Variants in HDAC9 observed in about 807,000 individuals in gnomAD.
The protein encoded by HDAC9 is histone deacetylase 9.
In HDAC9, 41 loss-of-function variants were observed where a neutral mutation model predicts 139.4. The ratio of observed to expected loss-of-function variants is 0.29; its 90% confidence interval spans 0.23 to 0.38. The LOEUF is 0.38. Ranked by LOEUF, HDAC9 falls within the 10% of genes least tolerant of loss-of-function variation. The pLI is 1.00. For synonymous variants in HDAC9, 517 were observed against 476.2 expected, an observed-to-expected ratio of 1.09 and a Z score of -1.12; for missense variants, 1,147 against 1,297.0, an observed-to-expected ratio of 0.88 and a Z score of 1.78.
chr7:18,436,627 C>T (rs758828262), intron 1 of HDAC9, among the ~76,000 whole-genome samples: 3 of 152,200 alleles, frequency 2.0e-5, no homozygotes, highest in Non-Finnish European at 2.9e-5. Flanking sequence ...CATTTAGCAT[C>T]TGCTATGAAT....
intron 1 of HDAC9, among the ~76,000 whole-genome samples, chr7:18,355,412 G>T (rs931191862): frequency 6.6e-6 from 1 of 151,940 alleles, no homozygotes; most frequent in Non-Finnish European, 1.5e-5. Context: ...TATTCAAAAC[G>T]GAGACTTTTA....
At chr7:18,391,129 A>C (rs771302744) in intron 1 of HDAC9, among the ~76,000 whole-genome samples, 5 of 152,260 alleles carry the variant, frequency 3.3e-5, no homozygotes, top group African/African-American at 4.8e-5. Context: ...TCATGCCTGT[A>C]ATCCTAGCAC....
Position 18,500,663 on chromosome 7 carries a change from T to C in HDAC9, c.22+4339T>C, listed in dbSNP as rs111301127. Among the ~76,000 whole-genome samples the C allele has an allele frequency of 7.2e-3, 1,093 of 152,244 alleles. 11 individuals are homozygous for C. Among genetic ancestry groups the C allele is most frequent in the African/African-American group, 0.025 (1,033 of 41,554 alleles). On this transcript the variant is annotated intron_variant, in intron 2 of 25. Coordinates refer to ENST00000686413, the MANE Select transcript of HDAC9 (RefSeq NM_178425.4). ...CTGAGAAATAGTAGAAATGAAGGCT[T>C]CAGAGCAGCGTACTAAATTGGGAGA...
chr7:18,983,278 T>C (rs764728416), intron 25 of HDAC9, among the ~76,000 whole-genome samples: 12 of 152,298 alleles, frequency 7.9e-5, no homozygotes, highest in Middle Eastern at 3.4e-3. Context: ...TATGAAAACA[T>C]TTCCTTCTTT....
At chr7:18,194,692 A>G (rs1268245816) in intron 2 of HDAC9, among the ~76,000 whole-genome samples, 2 of 152,218 alleles carry the variant, frequency 1.3e-5, no homozygotes, top group African/African-American at 4.8e-5. Context: ...TTAAAGATGT[A>G]TTCATACATT....
intron 7 of HDAC9, among the ~76,000 whole-genome samples, 155 bp downstream of exon 7, chr7:18,629,636 A>T (rs775554680): frequency 2.0e-5 from 3 of 152,196 alleles, no homozygotes; most frequent in African/African-American, 4.8e-5. Context: ...AGTTCAATAA[A>T]CCTTGCTATG....
intron 13 of HDAC9, among the ~76,000 whole-genome samples, chr7:18,733,061 A>G (rs1458133520): frequency 6.9e-6 from 1 of 145,910 alleles, no homozygotes; most frequent in African/African-American, 2.5e-5. Context: ...ACATGTGTAT[A>G]TACGTATATA....
chr7:18,782,894 G>A (rs1343662176), intron 16 of HDAC9, among the ~76,000 whole-genome samples: 1 of 151,984 alleles, frequency 6.6e-6, no homozygotes, highest in Non-Finnish European at 1.5e-5. Flanking sequence ...TTTGCAAGTG[G>A]AACTGCTGGT....
chr7:18,344,701 C>T (rs1184520820), intron 1 of HDAC9, among the ~76,000 whole-genome samples: 1 of 151,940 alleles, frequency 6.6e-6, no homozygotes, highest in African/African-American at 2.4e-5. Flanking sequence ...GCAATTTGTT[C>T]AAAGTGCAAA....
chr7:18,579,323 A>T (rs1485767877), intron 2 of HDAC9, among the ~76,000 whole-genome samples: 2 of 152,234 alleles, frequency 1.3e-5, no homozygotes, highest in African/African-American at 4.8e-5. Context: ...TATGGATCAC[A>T]CATTAAGGAA....
chr7:18,804,070 A>G (rs1474949086), intron 17 of HDAC9, among the ~76,000 whole-genome samples: 2 of 152,188 alleles, frequency 1.3e-5, no homozygotes, highest in Non-Finnish European at 2.9e-5. Context: ...TGTTATGGAT[A>G]AAAGTAAAGG....
chr7:18,927,169 CT>C, intron 22 of HDAC9, among the ~76,000 whole-genome samples: 1 of 152,054 alleles, frequency 6.6e-6, no homozygotes, highest in East Asian at 1.9e-4. Flanking sequence ...TGAAATAAAC[CT>C]TTTTGGCTAC....
rs149939744 is a variant in HDAC9 at position 18,537,957 on chromosome 7, A to G, written c.22+41633A>G. On this transcript the variant is annotated intron_variant, in intron 2 of 25. Coordinates refer to ENST00000686413, the MANE Select transcript of HDAC9 (RefSeq NM_178425.4). Reference sequence around the variant, plus strand: ...TCAGTCCTTCATAACCTCAGGCAGCATCATCCTCTGTGCCCAACGTGACCT... The same window carrying G: ...TCAGTCCTTCATAACCTCAGGCAGCGTCATCCTCTGTGCCCAACGTGACCT... 5.4e-3 allele frequency among the ~76,000 whole-genome samples: 816 copies of G among 152,308 alleles called. 9 individuals carry two copies. The highest frequency in any genetic ancestry group is 0.018 in the African/African-American group (764 of 41,566).
At chr7:18,230,187 A>G (rs1485036330) in intron 2 of HDAC9, among the ~76,000 whole-genome samples, 1 of 152,214 alleles carries the variant, frequency 6.6e-6, no homozygotes, top group Non-Finnish European at 1.5e-5. Context: ...TCCTAAAACA[A>G]GAAACTTAGG....
chr7:18,524,188 T>G (rs1270850331), intron 2 of HDAC9, among the ~76,000 whole-genome samples: 1 of 152,188 alleles, frequency 6.6e-6, no homozygotes, highest in Non-Finnish European at 1.5e-5. Context: ...TATTTACCTG[T>G]GTAGTGAATG....
chr7:18,495,219 CAACAAAAATAGAACACCAGGA>C (rs1377880394), upstream of HDAC9, among the ~76,000 whole-genome samples: 4 of 151,978 alleles, frequency 2.6e-5, no homozygotes, highest in Admixed American at 2.0e-4. Context: ...GAGAAACAGG[CAACAAAAATAGAACACCAGGA>C]TTGCTGTGCG....
chr7:18,908,094 T>G (rs1465015539), intron 22 of HDAC9, among the ~76,000 whole-genome samples: 1 of 152,104 alleles, frequency 6.6e-6, no homozygotes, highest in East Asian at 1.9e-4. Flanking sequence ...AGTTAGTTAA[T>G]TTGAGACATG....
chr7:18,623,271 A>G (rs1334119591), intron 6 of HDAC9, among the ~76,000 whole-genome samples: 1 of 152,202 alleles, frequency 6.6e-6, no homozygotes, highest in Non-Finnish European at 1.5e-5. Context: ...CAAATTAGAA[A>G]GTGAGAAAAA....
chr7:18,547,836 C>CTTCCTTCT (rs1234337732), intron 2 of HDAC9, among the ~76,000 whole-genome samples: 50 of 134,840 alleles, frequency 3.7e-4, no homozygotes, highest in African/African-American at 1.3e-3. Context: ...TCCTTCCTTC[C>CTTCCTTCT]TTCCTTCCTT....
Sources: gnomAD v4.1 joint callset for allele counts (sites outside exome capture counted in the v4.1 genomes callset) on GRCh38, gnomAD v4.1.1 for gene constraint, MANE v1.5 for transcripts, NCBI Gene and HGNC (gene_info 2026-07-23, HGNC 2026-07-21) for gene names.